Variants in MAF observed in about 807,000 individuals in gnomAD.
MAF encodes the protein transcription factor Maf.
In MAF, 10 loss-of-function variants were observed where a neutral mutation model predicts 22.0. The ratio of observed to expected loss-of-function variants is 0.45; its 90% CI spans 0.28 to 0.77. The LOEUF (loss-of-function observed/expected upper bound fraction) is 0.77, where lower values mean the gene tolerates loss of function less well. MAF is among the 30% of genes least tolerant of loss of function. The pLI is 0.12. For synonymous variants in MAF, 337 were observed against 255.8 expected (o/e 1.32, Z -3.03); for missense variants, 544 against 548.4 (o/e 0.99, Z 0.08).
At chr16:79,533,314 G>T in the MAF span, among the ~76,000 whole-genome samples, 1 of 152,158 alleles carries the variant, frequency 6.6e-6, no homozygotes, top group Non-Finnish European at 1.5e-5. Context: ...CCAAGGGTCA[G>T]TCAGAAGAGG....
At chr16:79,523,361 A>G in the MAF span, among the ~76,000 whole-genome samples, 3 of 152,240 alleles carry the variant, frequency 2.0e-5, no homozygotes, top group African/African-American at 7.2e-5. Context: ...TCTGTGTACT[A>G]GACCAGACTT....
chr16:79,555,348 C>G, the MAF span, among the ~76,000 whole-genome samples: 1 of 152,166 alleles, frequency 6.6e-6, no homozygotes, highest in Non-Finnish European at 1.5e-5. Flanking sequence ...TTTGAAGTGT[C>G]AGGAATGCAT....
chr16:79,330,172 T>C, the MAF span, among the ~76,000 whole-genome samples: 1 of 152,212 alleles, frequency 6.6e-6, no homozygotes, highest in Non-Finnish European at 1.5e-5. Context: ...AAAGGTTATC[T>C]ACACATGCCG....
In MAF at chr16:79,597,175, A is replaced by C. The variant is rs1316993375; in HGVS notation, c.1118+1610T>G. 5 of 1,055,568 alleles carry C rather than the reference A, an allele frequency of 4.7e-6. No individual in the cohort carries two copies. In the East Asian group the frequency reaches 2.7e-4, roughly 56 times the overall value. 65.4% of individuals were successfully genotyped at this position (1,055,568 alleles called of 1,614,324 possible). A position where few individuals can be genotyped will look rare whatever the true frequency, so the allele number is the denominator to read the frequency against. ...CCCCCTTAACATCACAATAGTAAAC[A>C]ATTTAGTGCATCAATCGTTTAAAAA... is the stretch of plus-strand genomic sequence containing the variant. On this transcript the variant is annotated intron_variant, in intron 1 of 1. Coordinates refer to ENST00000326043, the MANE Select transcript of MAF (RefSeq NM_005360.5).
chr16:79,281,397 A>G, the MAF span, among the ~76,000 whole-genome samples: 3 of 152,150 alleles, frequency 2.0e-5, no homozygotes, highest in African/African-American at 7.2e-5. Flanking sequence ...ACAAATAAAA[A>G]AGAGAGCCAT....
chr16:79,273,110 T>A, the MAF span, among the ~76,000 whole-genome samples: 2 of 152,196 alleles, frequency 1.3e-5, no homozygotes, highest in Admixed American at 1.3e-4. Context: ...GTGTCCTTGT[T>A]TTGCTGGGGC....
intron 1 of MAF, among the ~76,000 whole-genome samples, chr16:79,586,199 G>C (rs1434914571): frequency 6.6e-6 from 1 of 152,210 alleles, no homozygotes. Context: ...GAGAGGCTGA[G>C]ATAGCCATAA....
chr16:79,459,039 C>G, the MAF span, among the ~76,000 whole-genome samples: 1 of 152,142 alleles, frequency 6.6e-6, no homozygotes, highest in Non-Finnish European at 1.5e-5. Flanking sequence ...ACAGCAGTTA[C>G]CATTTACTGA....
chr16:79,247,727 T>C, the MAF span, among the ~76,000 whole-genome samples: 1 of 152,284 alleles, frequency 6.6e-6, no homozygotes, highest in South Asian at 2.1e-4. Flanking sequence ...GTTAAAAAAA[T>C]AAAAGTGGTT....
At chr16:79,315,532 G>A in the MAF span, among the ~76,000 whole-genome samples, 2 of 152,094 alleles carry the variant, frequency 1.3e-5, no homozygotes, top group Admixed American at 6.6e-5. Flanking sequence ...ACTAATACAC[G>A]CTGTTAGTAA....
chr16:79,438,994 T>C, the MAF span, among the ~76,000 whole-genome samples: 1 of 152,056 alleles, frequency 6.6e-6, no homozygotes, highest in Non-Finnish European at 1.5e-5. Flanking sequence ...ATAATCAAGC[T>C]TGACTTCAGG....
At chr16:79,330,649 G>A in the MAF span, among the ~76,000 whole-genome samples, 1 of 152,224 alleles carries the variant, frequency 6.6e-6, no homozygotes, top group African/African-American at 2.4e-5. Flanking sequence ...AGTGATCAAA[G>A]GGAGAGGTAG....
the MAF span, among the ~76,000 whole-genome samples, chr16:79,388,969 T>G: frequency 6.6e-6 from 1 of 152,200 alleles, no homozygotes; most frequent in Non-Finnish European, 1.5e-5. Context: ...GTCTTACTAC[T>G]GTCCTATAAG....
chr16:79,225,164 AT>A, the MAF span, among the ~76,000 whole-genome samples: 1 of 152,238 alleles, frequency 6.6e-6, no homozygotes, highest in African/African-American at 2.4e-5. Context: ...CAAAACAGAT[AT>A]ATAGATTAAT....
At chr16:79,260,805 G>C in the MAF span, among the ~76,000 whole-genome samples, 8 of 151,992 alleles carry the variant, frequency 5.3e-5, no homozygotes, top group African/African-American at 1.9e-4. Context: ...TGACTTCATA[G>C]ATGTTATTGC....
chr16:79,285,220 G>C, the MAF span, among the ~76,000 whole-genome samples: 1 of 152,216 alleles, frequency 6.6e-6, no homozygotes, highest in South Asian at 2.1e-4. Context: ...TGTCAGTGCA[G>C]ACTGGACTTT....
the MAF span, among the ~76,000 whole-genome samples, chr16:79,491,180 A>G: frequency 1.3e-5 from 2 of 152,188 alleles, no homozygotes. Flanking sequence ...ATGTGCTTTC[A>G]GGGCAGGCCT....
At chr16:79,432,309 G>A in the MAF span, among the ~76,000 whole-genome samples, 1 of 152,100 alleles carries the variant, frequency 6.6e-6, no homozygotes, top group Non-Finnish European at 1.5e-5. Flanking sequence ...GGGTCAATGA[G>A]ACCTCTTTAT....
the MAF span, among the ~76,000 whole-genome samples, chr16:79,445,102 C>T: frequency 4.6e-5 from 7 of 152,108 alleles, no homozygotes; most frequent in Admixed American, 3.9e-4. Context: ...GGCACAATCT[C>T]GGCTCACTGC....
Sources: allele counts gnomAD v4.1 joint callset (sites outside exome capture counted in the v4.1 genomes callset), GRCh38; gene constraint gnomAD v4.1.1; transcripts MANE v1.5; gene names NCBI Gene and HGNC (gene_info 2026-07-23, HGNC 2026-07-21).